Variants in KCTD19 observed in about 807,000 individuals in gnomAD.
The protein encoded by KCTD19 is BTB/POZ domain-containing protein KCTD19.
A neutral mutation model predicts 103.5 loss-of-function variants in KCTD19; 67 were observed. The ratio of observed to expected loss-of-function variants is 0.65; its 90% CI spans 0.53 to 0.79. The LOEUF (loss-of-function observed/expected upper bound fraction) is 0.79, where lower values mean the gene tolerates loss of function less well. Among genes scored for constraint, KCTD19 ranks in the 30% least tolerant of loss-of-function variants. The pLI is 0.00. For missense variants in KCTD19, 980 were observed against 1,136.1 expected (o/e 0.86, Z 1.98); for synonymous variants, 439 against 452.2 (o/e 0.97, Z 0.37).
chr16:67,294,270 T>C (rs936305690), intron 11 of KCTD19, 99 bp from the exon 12 acceptor site: 12 of 1,280,476 alleles, frequency 9.4e-6, no homozygotes, highest in Non-Finnish European at 5.4e-6. Context: ...CTTCACTTGC[T>C]CTCCCTGAAC....
chr16:67,304,473 C>G lies in KCTD19; in HGVS notation c.399G>C (p.Trp133Cys), dbSNP rs555059438. 1 of 1,614,090 alleles carries G rather than the reference C, an allele frequency of 6.2e-7. No homozygotes were observed. Among genetic ancestry groups the G allele is most frequent in the Admixed American group, 1.7e-5 (1 of 60,026 alleles). The change falls in exon 3 of 16, where the codon TGG becomes TGC. Residue 133 changes from tryptophan to cysteine, a missense_variant. Coordinates refer to ENST00000304372, the MANE Select transcript of KCTD19 (RefSeq NM_001100915.3). ...ERASLNYWRTWKCISKPSEFP... is the reference protein window; with the variant it reads ...ERASLNYWRTCKCISKPSEFP... The stretch of plus-strand genomic sequence containing the variant: ...ATTCTGAGGGTTTGCTAATACACTT[C>G]CATGTACGCCAGTAGTTCAGAGATG...
At chr16:67,299,007 G>A (rs2036801206) in intron 6 of KCTD19, among the ~76,000 whole-genome samples, 1 of 152,246 alleles carries the variant, frequency 6.6e-6, no homozygotes. Context: ...AAGAGTGGCG[G>A]AGGACCTTTG....
At chr16:67,297,481 AC>A (rs751306064) in intron 7 of KCTD19, 21 bp downstream of exon 7, 1 of 1,611,998 alleles carries the variant, frequency 6.2e-7, no homozygotes. Context: ...CTAAATTCAA[AC>A]CTAGAAGCTT....
At chr16:67,312,521 CCTAA>C (rs200456223) in intron 2 of KCTD19, among the ~76,000 whole-genome samples, 2,144 of 152,268 alleles carry the variant, frequency 0.014, 54 homozygotes, top group African/African-American at 0.049. Flanking sequence ...TATCTCTAGG[CCTAA>C]CTGTTTCCAT....
At position 67,293,485 on chromosome 16, in the gene KCTD19, C is replaced by T; in HGVS notation, c.2218+59G>A. 1 of 1,563,478 alleles carries T rather than the reference C, an allele frequency of 6.4e-7. No homozygotes were observed. Among genetic ancestry groups the T allele is most frequent in the Non-Finnish European group, 8.7e-7 (1 of 1,151,516 alleles). On this transcript the variant is annotated intron_variant, in intron 12 of 15. Transcript: ENST00000304372. This position sits in a 1 kb window ranked among gnomAD's most constrained non-coding sequence, Gnocchi z 4.0. The stretch of plus-strand genomic sequence containing the variant: ...CACTAACTTGCTCTGCCATCTTGGC[C>T]AAAGAGTTTGCCTTCTCTGTTGTGA...
chr16:67,295,473 C>T, intron 8 of KCTD19, 68 bp from the exon 9 acceptor site: 1 of 1,447,358 alleles, frequency 6.9e-7, no homozygotes, highest in Non-Finnish European at 9.5e-7. Flanking sequence ...GGTCAATCTT[C>T]TCTCACTCCC....
chr16:67,291,956 C>G (rs1298605716), intron 12 of KCTD19, 119 bp from the exon 13 acceptor site: 1 of 576,894 alleles, frequency 1.7e-6, no homozygotes, highest in Non-Finnish European at 2.8e-6. Context: ...TCACTGCAAC[C>G]TCTGCCTCCC....
chr16:67,306,001 G>T (rs538827166), intron 2 of KCTD19, among the ~76,000 whole-genome samples: 1 of 152,170 alleles, frequency 6.6e-6, no homozygotes, highest in African/African-American at 2.4e-5. Context: ...CTGGGCAATG[G>T]TGGGATCGTG....
intron 2 of KCTD19, among the ~76,000 whole-genome samples, chr16:67,318,557 C>CAAAAAAAAAA (rs764640736): frequency 1.7e-5 from 1 of 59,516 alleles, no homozygotes; most frequent in African/African-American, 4.7e-5. Flanking sequence ...GACTCTATCT[C>CAAAAAAAAAA]AAAAAAAAAA....
chr16:67,290,208 C>T (rs1480272333), intron 15 of KCTD19, among the ~76,000 whole-genome samples: 3 of 113,274 alleles, frequency 2.6e-5, no homozygotes, highest in East Asian at 3.0e-4. Flanking sequence ...GACGGAGTCT[C>T]GCTCTGTCAC....
intron 4 of KCTD19, chr16:67,302,818 G>A: frequency 3.0e-6 from 1 of 333,650 alleles, no homozygotes; most frequent in Non-Finnish European, 5.5e-6. Context: ...CATAAGGGCA[G>A]AGTAAGAAGA....
chr16:67,294,803 G>C, intron 10 of KCTD19, 109 bp from the exon 11 acceptor site: 1 of 967,028 alleles, frequency 1.0e-6, no homozygotes, highest in Non-Finnish European at 1.6e-6. Flanking sequence ...CAGCAGGGAA[G>C]AAGGGGCTCT....
At position 67,320,796 on chromosome 16, in the gene KCTD19, G is replaced by A. The variant is rs1461923012; in HGVS notation, c.93C>T (p.Leu31=). ...ACAGCAGGGAGTCTGGAAACTGAGA[G>A]AGTTTGCTTCTGGGAACTGAGAAAT... ...GWHFSVPRSK[L]SQFPDSLLWK... Residue 31 remains leucine (L), a synonymous_variant, in exon 2 of 16, where the codon CTC becomes CTT. Coordinates refer to ENST00000304372, the MANE Select transcript of KCTD19 (RefSeq NM_001100915.3). The surrounding 1 kb of genome is among the most constrained non-coding windows in gnomAD (Gnocchi z 4.0). 6.2e-7 allele frequency: 1 copy of A among 1,614,162 alleles called. No homozygotes were observed.
chr16:67,320,935 G>T lies in KCTD19; in HGVS notation c.4-50C>A. On this transcript the variant is annotated intron_variant, in intron 1 of 15. Transcript: ENST00000304372. This position sits in a 1 kb window ranked among gnomAD's most constrained non-coding sequence, Gnocchi z 4.0. ...CTACGCAAGAAAAAGAAATAAAAAG[G>T]CATCCAGATTGAAAAGGTAGAAATA... The T allele has an allele frequency of 6.8e-7, 1 of 1,479,112 alleles. No individual in the cohort carries two copies. Among genetic ancestry groups the T allele is most frequent in the South Asian group, 1.3e-5 (1 of 78,798 alleles). 91.6% of individuals were successfully genotyped at this position (1,479,112 alleles called of 1,614,324 possible).
In KCTD19 at chr16:67,303,162, G is replaced by GCACTCGATGCACTCGCACTCGCA; in HGVS notation, c.626_627insTGCGAGTGCGAGTGCATCGAGTG (p.Glu210AlafsTer14). ...AGCAATCACCAATGAAGCGGAACTC[G>GCACTCGATGCACTCGCACTCGCA]CTGCACTCGCACTCGATGAGGGCCA... On this transcript the variant is annotated frameshift_variant, in exon 4 of 16. Transcript: ENST00000304372. LOFTEE classifies it high-confidence loss of function. The surrounding 1 kb of genome is among the most constrained non-coding windows in gnomAD (Gnocchi z 4.3). 1 of 1,608,426 alleles carries GCACTCGATGCACTCGCACTCGCA rather than the reference G, an allele frequency of 6.2e-7. No homozygotes were observed. The highest frequency in any genetic ancestry group is 1.1e-5 in the South Asian group (1 of 90,828).
chr16:67,295,523 T>C, intron 8 of KCTD19, 118 bp from the exon 9 acceptor site: 1 of 953,962 alleles, frequency 1.0e-6, no homozygotes, highest in East Asian at 2.5e-5. Flanking sequence ...TGAGATTCCA[T>C]TTCCCTGTCT....
chr16:67,313,172 C>A (rs967653610), intron 2 of KCTD19, among the ~76,000 whole-genome samples: 1 of 149,312 alleles, frequency 6.7e-6, no homozygotes, highest in South Asian at 2.1e-4. Context: ...TGCAGTGGTG[C>A]GATCTCAGCT....
At chr16:67,291,034 C>T (rs1277557844) in intron 14 of KCTD19, 48 bp from the exon 15 acceptor site, 1 of 1,587,944 alleles carries the variant, frequency 6.3e-7, no homozygotes, top group South Asian at 1.1e-5. Flanking sequence ...GCTCCTAGCC[C>T]CTCAGAGTGA....
chr16:67,320,485 A>T lies in KCTD19; in HGVS notation c.300+104T>A, dbSNP rs1481067778. 3.6e-6 allele frequency: 4 copies of T among 1,111,714 alleles called. No individual in the cohort carries two copies. In the African/African-American group the frequency reaches 6.3e-5, roughly 17 times the overall value. The allele number at this position is 1,111,714 out of a possible 1,614,324, so 68.9% of individuals were successfully genotyped here. A position where few individuals can be genotyped will look rare whatever the true frequency, so the allele number is the denominator to read the frequency against. The stretch of plus-strand genomic sequence containing the variant: ...TTTAACACACTTATTACATTTGCCC[A>T]TTAAGAGGGTCATCTCAGCAACCAA... On this transcript the variant is annotated intron_variant, in intron 2 of 15. Coordinates refer to ENST00000304372, the MANE Select transcript of KCTD19 (RefSeq NM_001100915.3). The surrounding 1 kb of genome is among the most constrained non-coding windows in gnomAD (Gnocchi z 4.0).
Sources: allele counts gnomAD v4.1 joint callset (sites outside exome capture counted in the v4.1 genomes callset), GRCh38; gene constraint gnomAD v4.1.1; non-coding constraint Gnocchi (gnomAD v3.1); transcripts MANE v1.5; gene names NCBI Gene and HGNC (gene_info 2026-07-23, HGNC 2026-07-21).